The following NCOA2 variants were observed in gnomAD, a reference collection of about 807,000 sequenced individuals.
NCOA2 encodes class E basic helix-loop-helix protein 75.
A neutral mutation model predicts 145.1 loss-of-function variants in NCOA2; 21 were observed. The ratio of observed to expected loss-of-function variants is 0.14; its 90% CI spans 0.10 to 0.21. The LOEUF is 0.21. Among genes scored for constraint, NCOA2 ranks in the 10% least tolerant of loss-of-function variants. The probability of loss-of-function intolerance (pLI) is 1.00; values close to 1 mark genes in which losing one functional copy is unlikely to be tolerated. For synonymous variants in NCOA2, 619 were observed against 637.5 expected, an observed-to-expected ratio of 0.97 and a Z score of 0.44; for missense variants, 1,472 against 1,837.6, an observed-to-expected ratio of 0.80 and a Z score of 3.64.
Position 70,174,806 on chromosome 8 carries a change from T to C in NCOA2, c.313A>G (p.Thr105Ala). Residue 105 changes from threonine (T) to alanine (A), a missense_variant, in exon 5 of 23, where the codon ACA becomes GCA. By Grantham distance (58) the Thr-to-Ala change is moderately conservative. Coordinates refer to ENST00000452400, the MANE Select transcript of NCOA2 (RefSeq NM_006540.4). ...TCCTTGTCGATGACACCCTGCCCTGTAGAGGATACATCTGACTTCTGCACT... is the reference window on the plus strand; with the variant it reads ...TCCTTGTCGATGACACCCTGCCCTGCAGAGGATACATCTGACTTCTGCACT... ...DEVQKSDVSS[T>A]GQGVIDKDAL... The C allele has an allele frequency of 1.2e-6, 2 of 1,613,782 alleles. No individual in the cohort carries two copies. Among genetic ancestry groups the C allele is most frequent in the Non-Finnish European group, 1.7e-6 (2 of 1,179,708 alleles).
rs531429353 is a variant in NCOA2, at chr8:70,371,058, C to T, written c.-77+32642G>A. 2.6e-5 allele frequency among the ~76,000 whole-genome samples: 4 copies of T among 152,154 alleles called. No homozygotes were observed. The South Asian group carries it at 6.2e-4, about 24-fold the overall frequency. ...ATCCCAGCACTTTGGGAGGCCGAGT[C>T]GGGCGGATCACGAGGTCAGGAGATC... On this transcript the variant is annotated intron_variant, in intron 1 of 22. Coordinates refer to ENST00000452400, the MANE Select transcript of NCOA2 (RefSeq NM_006540.4).
chr8:70,175,921 GCCTAATTTATGGCTGAGAA>G (rs1456971253), intron 4 of NCOA2, among the ~76,000 whole-genome samples: 1 of 150,252 alleles, frequency 6.7e-6, no homozygotes, highest in Non-Finnish European at 1.5e-5. Flanking sequence ...AATCTGTAAA[GCCTAATTTATGGCTGAGAA>G]CCTAGAAAAC....
At chr8:70,376,984 C>A (rs1811731942) in intron 1 of NCOA2, among the ~76,000 whole-genome samples, 1 of 152,170 alleles carries the variant, frequency 6.6e-6, no homozygotes, top group South Asian at 2.1e-4. Flanking sequence ...GATCATCAAT[C>A]TAAATTTTGA....
chr8:70,329,455 G>T (rs1191518303), intron 1 of NCOA2, among the ~76,000 whole-genome samples: 1 of 151,864 alleles, frequency 6.6e-6, no homozygotes, highest in Non-Finnish European at 1.5e-5. Flanking sequence ...CTCCCAGGCT[G>T]GTCTTGAACT....
At chr8:70,416,298 T>C in the NCOA2 span, among the ~76,000 whole-genome samples, 6 of 151,884 alleles carry the variant, frequency 4.0e-5, no homozygotes, top group Non-Finnish European at 5.9e-5. Flanking sequence ...GAGCAACATC[T>C]AGACTAGTGT....
chr8:70,324,056 T>C (rs1430957113), intron 1 of NCOA2, among the ~76,000 whole-genome samples: 1 of 152,162 alleles, frequency 6.6e-6, no homozygotes, highest in Non-Finnish European at 1.5e-5. Context: ...AAATCCGTCT[T>C]AATAAAGGAC....
chr8:70,393,391 G>A (rs1813377135), intron 1 of NCOA2, among the ~76,000 whole-genome samples: 2 of 152,146 alleles, frequency 1.3e-5, no homozygotes, highest in South Asian at 4.1e-4. Flanking sequence ...ATCCTGAATT[G>A]TACAATTGTA....
intron 1 of NCOA2, among the ~76,000 whole-genome samples, chr8:70,381,131 G>A (rs1472762167): frequency 2.0e-5 from 3 of 151,596 alleles, no homozygotes; most frequent in African/African-American, 7.3e-5. Context: ...CCTCAAAACA[G>A]ATGGGGGAGT....
At chr8:70,369,513 C>T (rs1338859226) in intron 1 of NCOA2, among the ~76,000 whole-genome samples, 1 of 152,132 alleles carries the variant, frequency 6.6e-6, no homozygotes, top group Non-Finnish European at 1.5e-5. Context: ...GAGGCATGGA[C>T]CCAATTATCC....
intron 4 of NCOA2, among the ~76,000 whole-genome samples, chr8:70,208,934 G>A (rs1292698717): frequency 6.6e-6 from 1 of 152,196 alleles, no homozygotes; most frequent in Non-Finnish European, 1.5e-5. Context: ...ATGTTTCAAG[G>A]TGTACTTAAG....
At chr8:70,414,246 G>T in the NCOA2 span, among the ~76,000 whole-genome samples, 1 of 152,136 alleles carries the variant, frequency 6.6e-6, no homozygotes, top group Non-Finnish European at 1.5e-5. Flanking sequence ...GACTAACAAT[G>T]CTCTTCCATG....
At chr8:70,223,381 A>G (rs1820330683) in intron 2 of NCOA2, among the ~76,000 whole-genome samples, 1 of 152,202 alleles carries the variant, frequency 6.6e-6, no homozygotes, top group African/African-American at 2.4e-5. Flanking sequence ...TGTTTTTATC[A>G]TTTGAGTTGT....
the NCOA2 span, among the ~76,000 whole-genome samples, chr8:70,423,161 T>C: frequency 9.2e-5 from 14 of 152,152 alleles, no homozygotes; most frequent in African/African-American, 3.1e-4. Context: ...TTATACTTTC[T>C]TTTTTTCTTG....
intron 2 of NCOA2, among the ~76,000 whole-genome samples, chr8:70,251,458 C>T (rs1563681898): frequency 6.6e-6 from 1 of 152,194 alleles, no homozygotes; most frequent in African/African-American, 2.4e-5. Context: ...ATTTCAGAGG[C>T]TTGAAATGAC....
chr8:70,302,665 CAGTGCTTA>C (rs1488393807), intron 1 of NCOA2, among the ~76,000 whole-genome samples: 1 of 152,058 alleles, frequency 6.6e-6, no homozygotes, highest in African/African-American at 2.4e-5. Context: ...TTAATAAAAC[CAGTGCTTA>C]AAGTTAACTG....
chr8:70,443,035 CTT>C, the NCOA2 span, among the ~76,000 whole-genome samples: 4 of 152,166 alleles, frequency 2.6e-5, no homozygotes, highest in Non-Finnish European at 5.9e-5. Flanking sequence ...AAATGTAAAA[CTT>C]TTAGGCTTCC....
At chr8:70,370,805 T>A (rs1484401478) in intron 1 of NCOA2, among the ~76,000 whole-genome samples, 1 of 152,048 alleles carries the variant, frequency 6.6e-6, no homozygotes, top group East Asian at 1.9e-4. Context: ...AGAAGAATGA[T>A]AGAAAGAATA....
At chr8:70,271,409 G>A (rs948714076) in intron 2 of NCOA2, among the ~76,000 whole-genome samples, 1 of 152,212 alleles carries the variant, frequency 6.6e-6, no homozygotes, top group African/African-American at 2.4e-5. Flanking sequence ...TGAAGACTGT[G>A]TAATAAGCAG....
At chr8:70,397,126 G>T (rs1366563894) in intron 1 of NCOA2, among the ~76,000 whole-genome samples, 1 of 152,102 alleles carries the variant, frequency 6.6e-6, no homozygotes, top group East Asian at 1.9e-4. Flanking sequence ...TATCATTTAT[G>T]TTATCATTGT....
Sources: gnomAD v4.1 joint callset for allele counts (sites outside exome capture counted in the v4.1 genomes callset) on GRCh38, gnomAD v4.1.1 for gene constraint, MANE v1.5 for transcripts, NCBI Gene and HGNC (gene_info 2026-07-23, HGNC 2026-07-21) for gene names.